The following PAX2 variants were observed in gnomAD, a reference collection of about 807,000 sequenced individuals.
PAX2 encodes the protein paired box protein Pax-2.
Under a neutral mutation model 41.7 loss-of-function variants are expected in PAX2, and 9 were observed. The observed-to-expected ratio is 0.22, with a 90% CI of 0.13 to 0.38. The LOEUF (loss-of-function observed/expected upper bound fraction) is 0.38. PAX2 is among the 10% of genes least tolerant of loss of function. The pLI, the probability that PAX2 is intolerant of heterozygous loss-of-function variation, is 1.00. For missense variants in PAX2, 418 were observed against 531.6 expected (o/e 0.79, Z 2.10); for synonymous variants, 221 against 212.7 (o/e 1.04, Z -0.34).
intron 7 of PAX2, among the ~76,000 whole-genome samples, chr10:100,823,995 C>T (rs958618202): frequency 3.3e-5 from 5 of 152,174 alleles, no homozygotes; most frequent in African/African-American, 1.2e-4. Flanking sequence ...TGGCTCAAAG[C>T]TCCTGATTCA....
At chr10:100,812,681 C>T (rs985055288) in intron 7 of PAX2, among the ~76,000 whole-genome samples, 1 of 152,156 alleles carries the variant, frequency 6.6e-6, no homozygotes, top group Non-Finnish European at 1.5e-5. Flanking sequence ...TCACCTTGAC[C>T]CCCCCTCCCC....
At chr10:100,800,201 C>G (rs1564733598) in intron 5 of PAX2, among the ~76,000 whole-genome samples, 1 of 152,062 alleles carries the variant, frequency 6.6e-6, no homozygotes. Flanking sequence ...CTTTGATGAG[C>G]CTTGGTGCTT....
chr10:100,816,549 G>A (rs1164017133), intron 7 of PAX2, among the ~76,000 whole-genome samples: 1 of 152,180 alleles, frequency 6.6e-6, no homozygotes, highest in African/African-American at 2.4e-5. Flanking sequence ...AAATGTCTCA[G>A]TGGCCTCAAA....
Position 100,746,167 on chromosome 10 carries a change from C to G in PAX2, c.-94C>G. ...GGGCGTTCACTCATCCTCCCTCCCC[C>G]ACCGTCCCTCCCTTTTCTCCTCAAG... is the stretch of plus-strand genomic sequence containing the variant. On this transcript the variant is annotated 5_prime_UTR_variant, in exon 1 of 10. Transcript: ENST00000355243. 6.2e-7 allele frequency: 1 copy of G among 1,606,650 alleles called. No individual in the cohort carries two copies. The highest frequency in any genetic ancestry group is 8.5e-7 in the Non-Finnish European group (1 of 1,176,404).
chr10:100,744,314 G>T (rs1845069415), upstream of PAX2, among the ~76,000 whole-genome samples: 1 of 152,268 alleles, frequency 6.6e-6, no homozygotes, highest in African/African-American at 2.4e-5. Flanking sequence ...AGGGAAGCGG[G>T]GGGAGGGAGC....
chr10:100,804,873 G>T (rs529148025), intron 5 of PAX2, among the ~76,000 whole-genome samples: 1 of 152,254 alleles, frequency 6.6e-6, no homozygotes, highest in African/African-American at 2.4e-5. Context: ...ACCAAGTTTT[G>T]TGTTCATGGG....
chr10:100,779,396 C>T (rs771413631), intron 3 of PAX2, 102 bp from the exon 4 acceptor site: 19 of 968,354 alleles, frequency 2.0e-5, no homozygotes, highest in African/African-American at 3.2e-5. Flanking sequence ...ATGAGGAAAT[C>T]GCTGAGGAAC....
rs1471866659 is a variant in PAX2, at chr10:100,791,613, C to T, written c.616+10248C>T. ...CAGAAAGTGTGAGCAGGAGAGCAAG[C>T]GAGCCAGTGACAGAGGGAGAGATGC... is the stretch of plus-strand genomic sequence containing the variant. On this transcript the variant is annotated intron_variant, in intron 5 of 9. Coordinates refer to ENST00000355243, the MANE Select transcript of PAX2 (RefSeq NM_000278.5). This position sits in a 1 kb window ranked among gnomAD's most constrained non-coding sequence, Gnocchi z 4.5. Among the ~76,000 whole-genome samples, 1 of 152,166 alleles carries T rather than the reference C, an allele frequency of 6.6e-6. No homozygotes were observed. The highest frequency in any genetic ancestry group is 1.5e-5 in the Non-Finnish European group (1 of 68,018).
At chr10:100,769,758 G>T (rs1564717156) in intron 3 of PAX2, among the ~76,000 whole-genome samples, 2 of 151,874 alleles carry the variant, frequency 1.3e-5, no homozygotes, top group East Asian at 3.9e-4. Flanking sequence ...TAGCTATCAA[G>T]TACTTACATT....
chr10:100,741,297 C>T (rs1476876678), upstream of PAX2, among the ~76,000 whole-genome samples: 1 of 146,586 alleles, frequency 6.8e-6, no homozygotes, highest in African/African-American at 2.5e-5. Flanking sequence ...AGCGAGGAAG[C>T]AGAAATTAGG....
At chr10:100,737,971 A>G (rs1372045174) in intron 1 of PAX2, among the ~76,000 whole-genome samples, 2 of 152,238 alleles carry the variant, frequency 1.3e-5, no homozygotes, top group Non-Finnish European at 2.9e-5. Context: ...ATCAGCAACT[A>G]GGGCAATTGT....
chr10:100,810,788 A>G (rs1034123974), intron 7 of PAX2, among the ~76,000 whole-genome samples: 3 of 152,158 alleles, frequency 2.0e-5, no homozygotes, highest in African/African-American at 4.8e-5. Context: ...TCTTCAGGGT[A>G]GGGCTCCTGC....
At chr10:100,792,844 G>A (rs1681668261) in intron 5 of PAX2, among the ~76,000 whole-genome samples, 1 of 152,150 alleles carries the variant, frequency 6.6e-6, no homozygotes, top group Admixed American at 6.5e-5. Flanking sequence ...TGGCGGTGTG[G>A]CAGTGTCAGC....
In PAX2 at chr10:100,804,271, T is replaced by TACACACACACACACACACACAC. The variant is rs10639967; in HGVS notation, c.617-2155_617-2134dup. On this transcript the variant is annotated intron_variant, in intron 5 of 9. Transcript: ENST00000355243. ...GAGGACAAAGCTTCAGTTCAGCCCC[T>TACACACACACACACACACACAC]ACACACACACACACACACACACACA... is the stretch of plus-strand genomic sequence containing the variant. 2.9e-4 allele frequency among the ~76,000 whole-genome samples: 43 copies of TACACACACACACACACACACAC among 147,870 alleles called. No homozygotes were observed. The East Asian group carries it at 3.2e-3, about 11-fold the overall frequency.
intron 7 of PAX2, among the ~76,000 whole-genome samples, chr10:100,811,419 G>A (rs1278118692): frequency 6.6e-6 from 1 of 152,254 alleles, no homozygotes; most frequent in Non-Finnish European, 1.5e-5. Flanking sequence ...ATGGGGCATT[G>A]CTCAGAGACT....
chr10:100,755,074 C>T (rs1589818342), intron 3 of PAX2, among the ~76,000 whole-genome samples: 3 of 152,362 alleles, frequency 2.0e-5, no homozygotes, highest in South Asian at 4.1e-4. Context: ...GCTCACCTGT[C>T]CTTTCCCAGA....
chr10:100,782,970 A>G (rs1846695316), intron 5 of PAX2, among the ~76,000 whole-genome samples: 1 of 152,220 alleles, frequency 6.6e-6, no homozygotes, highest in Admixed American at 6.5e-5. Flanking sequence ...ATGGGAGGCC[A>G]CAGATACCCC....
intron 3 of PAX2, among the ~76,000 whole-genome samples, chr10:100,754,850 C>G (rs1845574672): frequency 6.6e-6 from 1 of 152,196 alleles, no homozygotes; most frequent in Non-Finnish European, 1.5e-5. Flanking sequence ...GTGGTACTGC[C>G]TACCACATCT....
rs1163464346 is a variant in PAX2, at chr10:100,826,110, T to C, written c.1022-899T>C. Reference sequence around the variant, plus strand: ...AGCGATGGGGAAGGAGATAGCTCAGTTCCTCTTGGTCACAGTTGAGCTCAG... The same window carrying C: ...AGCGATGGGGAAGGAGATAGCTCAGCTCCTCTTGGTCACAGTTGAGCTCAG... On this transcript the variant is annotated intron_variant, in intron 8 of 9. Coordinates refer to ENST00000355243, the MANE Select transcript of PAX2 (RefSeq NM_000278.5). This position sits in a 1 kb window ranked among gnomAD's most constrained non-coding sequence, Gnocchi z 5.5. 6.6e-6 allele frequency among the ~76,000 whole-genome samples: 1 copy of C among 151,992 alleles called. No individual in the cohort carries two copies. The highest frequency in any genetic ancestry group is 1.5e-5 in the Non-Finnish European group (1 of 67,976).
Sources: allele counts gnomAD v4.1 joint callset (sites outside exome capture counted in the v4.1 genomes callset), GRCh38; gene constraint gnomAD v4.1.1; non-coding constraint Gnocchi (gnomAD v3.1); transcripts MANE v1.5; gene names NCBI Gene and HGNC (gene_info 2026-07-23, HGNC 2026-07-21).